Variants in REEP5 observed in about 807,000 individuals in gnomAD.
REEP5 encodes receptor expression-enhancing protein 5.
Under a neutral mutation model 22.4 loss-of-function variants are expected in REEP5, and 24 were observed. That is an observed-to-expected ratio of 1.07 (90% confidence interval 0.78 to 1.51). The LOEUF is 1.51. Among genes scored for constraint, REEP5 ranks in the 40% most tolerant of loss-of-function variants. The pLI is 0.00. For synonymous variants in REEP5, 103 were observed against 88.6 expected, an observed-to-expected ratio of 1.16 and a Z score of -0.92; for missense variants, 252 against 233.0, an observed-to-expected ratio of 1.08 and a Z score of -0.53.
At chr5:112,879,930 T>G (rs1474378259) in intron 4 of REEP5, among the ~76,000 whole-genome samples, 1 of 151,956 alleles carries the variant, frequency 6.6e-6, no homozygotes, top group Non-Finnish European at 1.5e-5. Context: ...ACCTCTATTT[T>G]AAAAAAATTT....
chr5:112,877,927 A>G lies in REEP5; in HGVS notation c.*859T>C, dbSNP rs1426059874. The G allele has an allele frequency of 2.0e-5, 3 of 152,116 alleles. No homozygotes were observed. The highest frequency in any genetic ancestry group is 4.4e-5 in the Non-Finnish European group (3 of 68,026). 9.4% of individuals were successfully genotyped at this position (152,116 alleles called of 1,614,324 possible). A position where few individuals can be genotyped will look rare whatever the true frequency, so the allele number is the denominator to read the frequency against. ...CAATAGACAAATATGTAAAGTTTAT[A>G]GCAGATAAGACAGTATTACTAGTTT... On this transcript the variant is annotated 3_prime_UTR_variant, in exon 5 of 5. Coordinates refer to ENST00000379638, the MANE Select transcript of REEP5 (RefSeq NM_005669.5).
chr5:112,885,666 A>C (rs1031912379), intron 4 of REEP5: 1 of 308,350 alleles, frequency 3.2e-6, no homozygotes, highest in Non-Finnish European at 6.6e-6. Flanking sequence ...AGGTCTACTC[A>C]GAAGGACCCA....
At chr5:112,889,506 A>G (rs192762241) in intron 3 of REEP5, among the ~76,000 whole-genome samples, 1 of 151,084 alleles carries the variant, frequency 6.6e-6, no homozygotes, top group East Asian at 2.0e-4. Context: ...GAACTTGTAT[A>G]TACCTTTGAA....
intron 2 of REEP5, among the ~76,000 whole-genome samples, chr5:112,904,937 A>G (rs1480801068): frequency 6.6e-6 from 1 of 152,190 alleles, no homozygotes; most frequent in Non-Finnish European, 1.5e-5. Flanking sequence ...AAGAACTCCA[A>G]ATTGAATACA....
At chr5:112,921,361 C>G (rs1769361137) in intron 1 of REEP5, 105 bp from the exon 2 acceptor site, 1 of 1,057,248 alleles carries the variant, frequency 9.5e-7, no homozygotes, top group African/African-American at 1.6e-5. Flanking sequence ...GAGTTTTCCT[C>G]TCGACTCGAT....
At chr5:112,921,999 G>A in intron 1 of REEP5, 74 bp downstream of exon 1, 1 of 1,518,302 alleles carries the variant, frequency 6.6e-7, no homozygotes, top group Non-Finnish European at 8.8e-7. Flanking sequence ...TCCTCTCCCT[G>A]CTTCCTTCCC....
At chr5:112,884,016 C>A (rs1768154952) in intron 4 of REEP5, among the ~76,000 whole-genome samples, 2 of 152,192 alleles carry the variant, frequency 1.3e-5, no homozygotes, top group Non-Finnish European at 2.9e-5. Flanking sequence ...ACCAAGCCAC[C>A]ATCATCACCT....
intron 2 of REEP5, among the ~76,000 whole-genome samples, chr5:112,919,770 T>G (rs1769311358): frequency 6.6e-6 from 1 of 152,124 alleles, no homozygotes; most frequent in South Asian, 2.1e-4. Context: ...TCCAGAACTG[T>G]GAGCAATAAA....
At chr5:112,884,183 C>T (rs1409188676) in intron 4 of REEP5, among the ~76,000 whole-genome samples, 2 of 152,154 alleles carry the variant, frequency 1.3e-5, no homozygotes, top group Non-Finnish European at 2.9e-5. Flanking sequence ...CTCCACATCT[C>T]ACATAGAGTA....
At chr5:112,920,318 T>G (rs567981085) in intron 2 of REEP5, among the ~76,000 whole-genome samples, 1 of 152,234 alleles carries the variant, frequency 6.6e-6, no homozygotes, top group Non-Finnish European at 1.5e-5. Flanking sequence ...TGAAAATTTT[T>G]TCTTCCTTTA....
intron 3 of REEP5, among the ~76,000 whole-genome samples, chr5:112,889,217 C>T (rs1358323125): frequency 6.7e-6 from 1 of 149,468 alleles, no homozygotes; most frequent in Non-Finnish European, 1.5e-5. Flanking sequence ...TCCTGGGCAA[C>T]AGAGCAAGAG....
chr5:112,888,136 T>G (rs1051749223), intron 3 of REEP5, among the ~76,000 whole-genome samples: 3 of 149,758 alleles, frequency 2.0e-5, no homozygotes, highest in Admixed American at 2.0e-4. Context: ...TTCTCCTTAG[T>G]GTAAAAACAT....
intron 3 of REEP5, chr5:112,893,507 G>C (rs1399011217): frequency 6.4e-6 from 1 of 155,664 alleles, no homozygotes; most frequent in Non-Finnish European, 1.4e-5. Context: ...TCCATGTTAT[G>C]ATTTTAAGCC....
chr5:112,915,442 TA>T (rs1769210925), intron 2 of REEP5, among the ~76,000 whole-genome samples: 1 of 152,276 alleles, frequency 6.6e-6, no homozygotes. Context: ...GTTATAAGGA[TA>T]TTTTTATTAC....
intron 2 of REEP5, among the ~76,000 whole-genome samples, chr5:112,910,261 C>T (rs1235474314): frequency 6.6e-6 from 1 of 152,100 alleles, no homozygotes; most frequent in East Asian, 1.9e-4. Context: ...GAGATCGTGC[C>T]ACTGCACTCC....
rs753815802 is a variant in REEP5 at position 112,887,106 on chromosome 5, A to G, written c.429T>C (p.Pro143=). ...TCTGGGACTCGTGCTTCAGGAAGAA[A>G]GGACGGATGATGCGCTTGTAGAGCA... ...AELLYKRIIR[P]FFLKHESQMD... is the part of the protein sequence containing the mutation. Residue 143 remains proline, a synonymous_variant, in exon 4 of 5, where the codon CCT becomes CCC. Coordinates refer to ENST00000379638, the MANE Select transcript of REEP5 (RefSeq NM_005669.5). The G allele has an allele frequency of 6.2e-7, 1 of 1,613,708 alleles. No homozygotes were observed. The highest frequency in any genetic ancestry group is 1.7e-5 in the Admixed American group (1 of 60,020).
At chr5:112,921,986 G>GAGTCCTCTC (rs1324196501) in intron 1 of REEP5, 87 bp downstream of exon 1, 2 of 1,459,156 alleles carry the variant, frequency 1.4e-6, no homozygotes, top group Non-Finnish European at 1.8e-6. Flanking sequence ...CACCTTTCCC[G>GAGTCCTCTC]AGTCCTCTCC....
At chr5:112,919,373 C>A (rs1769299752) in intron 2 of REEP5, among the ~76,000 whole-genome samples, 1 of 151,990 alleles carries the variant, frequency 6.6e-6, no homozygotes, top group African/African-American at 2.4e-5. Context: ...CATGGCAAAA[C>A]CGCATCTCTA....
intron 4 of REEP5, among the ~76,000 whole-genome samples, chr5:112,883,285 A>G (rs1069061): frequency 0.25 from 37,898 of 152,120 alleles, 5,658 homozygotes; most frequent in Non-Finnish European, 0.33. Context: ...GGAGTTTGAT[A>G]TCACTCCACA....
Sources: gnomAD v4.1 joint callset for allele counts (sites outside exome capture counted in the v4.1 genomes callset) on GRCh38, gnomAD v4.1.1 for gene constraint, MANE v1.5 for transcripts, NCBI Gene and HGNC (gene_info 2026-07-23, HGNC 2026-07-21) for gene names.